Variants in PPM1L observed in about 807,000 individuals in gnomAD.
PPM1L encodes the protein protein phosphatase 1L.
A neutral mutation model predicts 31.4 loss-of-function variants in PPM1L; 13 were observed. The observed-to-expected ratio is 0.41, with a 90% confidence interval of 0.27 to 0.66. PPM1L has a LOEUF of 0.66. Among genes scored for constraint, PPM1L ranks in the 30% least tolerant of loss-of-function variants. The pLI is 0.29. For synonymous variants in PPM1L, 184 were observed against 175.4 expected (o/e 1.05, Z -0.39); for missense variants, 326 against 453.7 (o/e 0.72, Z 2.56).
chr3:160,899,937 A>C (rs1002687257), intron 1 of PPM1L, among the ~76,000 whole-genome samples: 6 of 152,164 alleles, frequency 3.9e-5, no homozygotes, highest in Non-Finnish European at 7.4e-5. Flanking sequence ...TGAGCTAACA[A>C]ATTATCACAC....
chr3:160,824,390 A>G lies in PPM1L; in HGVS notation c.399+67683A>G, dbSNP rs142968630. Among the ~76,000 whole-genome samples the G allele has an allele frequency of 7.6e-4, 115 of 152,258 alleles. 2 individuals are homozygous for G. The highest frequency in any genetic ancestry group is 7.1e-3 in the Admixed American group (108 of 15,278). On this transcript the variant is annotated intron_variant, in intron 1 of 3. Coordinates refer to ENST00000498165, the MANE Select transcript of PPM1L (RefSeq NM_139245.4). The stretch of plus-strand genomic sequence containing the variant: ...TATGGTACTTTGTTATAGCAGCCTG[A>G]ACTAAGTGTGCTTATTAAAGTACTG...
At position 160,756,526 on chromosome 3, in the gene PPM1L, G is replaced by C. The variant is rs1479329114; in HGVS notation, c.218G>C (p.Gly73Ala). 6.2e-7 allele frequency: 1 copy of C among 1,614,004 alleles called. No homozygotes were observed. The highest frequency in any genetic ancestry group is 1.7e-5 in the Admixed American group (1 of 60,000). Reference protein sequence around the residue: ...VAEIMQNDRLGGLDVLEAEFS... With the variant: ...VAEIMQNDRLAGLDVLEAEFS... Reference sequence around the variant, plus strand: ...GAGATCATGCAGAACGATCGACTCGGGGGGCTTGATGTGCTCGAGGCCGAG... The same window carrying C: ...GAGATCATGCAGAACGATCGACTCGCGGGGCTTGATGTGCTCGAGGCCGAG... Residue 73 changes from glycine (G) to alanine (A), a missense_variant, in exon 1 of 4, where the codon GGG becomes GCG. Transcript: ENST00000498165. The surrounding 1 kb of genome is among the most constrained non-coding windows in gnomAD (Gnocchi z 6.2).
At chr3:160,992,018 C>T (rs1318638420) in intron 2 of PPM1L, among the ~76,000 whole-genome samples, 1 of 152,120 alleles carries the variant, frequency 6.6e-6, no homozygotes, top group African/African-American at 2.4e-5. Context: ...TTATTATTAT[C>T]CTCATTTTAC....
At chr3:161,005,079 T>C (rs1717658931) in intron 2 of PPM1L, among the ~76,000 whole-genome samples, 1 of 152,232 alleles carries the variant, frequency 6.6e-6, no homozygotes, top group African/African-American at 2.4e-5. Flanking sequence ...TCTTTATTTC[T>C]GCCTTCATTT....
At chr3:161,034,675 C>A (rs927465107) in intron 2 of PPM1L, among the ~76,000 whole-genome samples, 24 of 150,880 alleles carry the variant, frequency 1.6e-4, no homozygotes, top group Middle Eastern at 3.4e-3. Flanking sequence ...GGGACCATCA[C>A]ACACTGGGGC....
At chr3:160,829,166 C>T (rs762815873) in intron 1 of PPM1L, among the ~76,000 whole-genome samples, 2 of 151,824 alleles carry the variant, frequency 1.3e-5, no homozygotes, top group African/African-American at 2.4e-5. Context: ...TCCCCTACCC[C>T]CTCCTTGGGT....
intron 2 of PPM1L, among the ~76,000 whole-genome samples, chr3:161,055,151 G>A (rs1719377802): frequency 6.6e-6 from 1 of 152,110 alleles, no homozygotes; most frequent in South Asian, 2.1e-4. Flanking sequence ...AGAAAAGAAA[G>A]ATTAAAGCTT....
At chr3:160,948,952 C>T (rs1254285965) in intron 1 of PPM1L, among the ~76,000 whole-genome samples, 3 of 152,054 alleles carry the variant, frequency 2.0e-5, no homozygotes, top group African/African-American at 7.2e-5. Flanking sequence ...TGGTGTTTTT[C>T]ACCTGTTAGT....
At chr3:160,835,086 T>TTC (rs11474788) in intron 1 of PPM1L, among the ~76,000 whole-genome samples, 70 of 106,196 alleles carry the variant, frequency 6.6e-4, no homozygotes, top group African/African-American at 2.2e-3. Context: ...CTTCTTCTTC[T>TTC]TTCTTTTTTC....
At chr3:160,779,106 T>TA (rs36050523) in intron 1 of PPM1L, among the ~76,000 whole-genome samples, 76,284 of 145,394 alleles carry the variant, frequency 0.52, 22,315 homozygotes, top group African/African-American at 0.8. Context: ...CTTTCTGCTG[T>TA]AAAAAAAAAA....
At chr3:160,782,322 C>T (rs760834681) in intron 1 of PPM1L, among the ~76,000 whole-genome samples, 3 of 152,178 alleles carry the variant, frequency 2.0e-5, no homozygotes, top group Non-Finnish European at 2.9e-5. Flanking sequence ...GTTTTCAGCA[C>T]TACCACCACC....
intron 2 of PPM1L, among the ~76,000 whole-genome samples, chr3:160,984,917 A>T (rs904077704): frequency 6.6e-6 from 1 of 152,134 alleles, no homozygotes; most frequent in Non-Finnish European, 1.5e-5. Context: ...AATGGGAGGG[A>T]GGGCTGGTGG....
chr3:160,939,153 T>C (rs1715076011), intron 1 of PPM1L, among the ~76,000 whole-genome samples: 1 of 152,222 alleles, frequency 6.6e-6, no homozygotes, highest in African/African-American at 2.4e-5. Context: ...TATCATAGAA[T>C]TAAAATTCTT....
At chr3:160,923,282 T>A (rs548476079) in intron 1 of PPM1L, among the ~76,000 whole-genome samples, 4 of 152,308 alleles carry the variant, frequency 2.6e-5, no homozygotes, top group Non-Finnish European at 5.9e-5. Context: ...AGTAAGGAAA[T>A]TGGAATGAGT....
intron 2 of PPM1L, among the ~76,000 whole-genome samples, chr3:161,046,683 A>T (rs939884393): frequency 3.9e-5 from 6 of 152,302 alleles, no homozygotes; most frequent in Admixed American, 1.3e-4. Context: ...CAATGCAAAA[A>T]TCCTCAGTAA....
chr3:160,825,536 C>G (rs555535839), intron 1 of PPM1L, among the ~76,000 whole-genome samples: 1 of 152,124 alleles, frequency 6.6e-6, no homozygotes, highest in East Asian at 1.9e-4. Context: ...GCATTGTTAC[C>G]TCCCGCATGT....
At chr3:160,924,403 C>T (rs954465907) in intron 1 of PPM1L, among the ~76,000 whole-genome samples, 12 of 152,130 alleles carry the variant, frequency 7.9e-5, no homozygotes, top group Admixed American at 5.9e-4. Context: ...TCTGAAACTT[C>T]CAGAATCAAA....
At position 161,073,418 on chromosome 3, in the gene PPM1L, C is replaced by T. The variant is rs1425791406; in HGVS notation, c.*4261C>T. 1 of 152,148 alleles carries T rather than the reference C, an allele frequency of 6.6e-6. No individual in the cohort carries two copies. The highest frequency in any genetic ancestry group is 1.9e-4 in the East Asian group (1 of 5,196). 9.4% of individuals were successfully genotyped at this position (152,148 alleles called of 1,614,324 possible). A position where few individuals can be genotyped will look rare whatever the true frequency, so the allele number is the denominator to read the frequency against. ...TTCACGATGACTCTTAGTAGCAGTACAATTTGCAACTTAGAAGCATGAGCC... is the reference window on the plus strand; with the variant it reads ...TTCACGATGACTCTTAGTAGCAGTATAATTTGCAACTTAGAAGCATGAGCC... On this transcript the variant is annotated 3_prime_UTR_variant, in exon 4 of 4. Transcript: ENST00000498165.
At chr3:160,880,757 T>C (rs989683662) in intron 1 of PPM1L, among the ~76,000 whole-genome samples, 3 of 152,162 alleles carry the variant, frequency 2.0e-5, no homozygotes, top group Non-Finnish European at 2.9e-5. Flanking sequence ...CTGCCGAAAG[T>C]TTAACACTGA....
Sources: gnomAD v4.1 joint callset for allele counts (sites outside exome capture counted in the v4.1 genomes callset) on GRCh38, gnomAD v4.1.1 for gene constraint, Gnocchi (gnomAD v3.1) non-coding constraint, MANE v1.5 for transcripts, NCBI Gene and HGNC (gene_info 2026-07-23, HGNC 2026-07-21) for gene names.